ELFN1: variants seen among roughly 807,000 people sequenced by gnomAD.
ELFN1 encodes extracellular leucine rich repeat and fibronectin type III domain containing 1, also known as protein ELFN1.
Under a neutral mutation model 7.6 loss-of-function variants are expected in ELFN1, and 6 were observed. The ratio of observed to expected loss-of-function variants is 0.79; its 90% CI spans 0.43 to 1.56. The LOEUF is 1.56. Among genes scored for constraint, ELFN1 ranks in the 40% most tolerant of loss-of-function variants. The pLI, the probability that ELFN1 is intolerant of heterozygous loss-of-function variation, is 0.01. For synonymous variants in ELFN1, 657 were observed against 588.1 expected (o/e 1.12, Z -1.70); for missense variants, 1,169 against 1,232.2 (o/e 0.95, Z 0.77).
intron 3 of ELFN1, among the ~76,000 whole-genome samples, chr7:1,711,393 G>A (rs1445313534): frequency 6.6e-6 from 1 of 152,024 alleles, no homozygotes; most frequent in Non-Finnish European, 1.5e-5. Flanking sequence ...CTCAGCCTAT[G>A]CCCCAAACAT....
chr7:1,724,570 C>T (rs1413112879), intron 3 of ELFN1, among the ~76,000 whole-genome samples: 1 of 152,300 alleles, frequency 6.6e-6, no homozygotes, highest in Non-Finnish European at 1.5e-5. Context: ...AACTGCTGCT[C>T]CCAGGTAGAA....
chr7:1,733,937 A>AC, intron 3 of ELFN1, among the ~76,000 whole-genome samples: 1 of 151,950 alleles, frequency 6.6e-6, no homozygotes, highest in Non-Finnish European at 1.5e-5. Context: ...CTAGGCTGTG[A>AC]CCCCCGGTCA....
rs1182649885 is a variant in ELFN1, at chr7:1,740,100, G to C, written c.-293-4204G>C. On this transcript the variant is annotated intron_variant, in intron 3 of 3. Transcript: ENST00000424383. This position sits in a 1 kb window ranked among gnomAD's most constrained non-coding sequence, Gnocchi z 5.0. ...GCATCCAAGAAAGTGGTGTGGGCAG[G>C]ATGGCATTGCAGAGGGCTGGAGGTA... Among the ~76,000 whole-genome samples the C allele has an allele frequency of 6.6e-6, 1 of 152,198 alleles. No individual in the cohort carries two copies. The highest frequency in any genetic ancestry group is 1.5e-5 in the Non-Finnish European group (1 of 68,028).
intron 2 of ELFN1, among the ~76,000 whole-genome samples, chr7:1,698,460 G>A (rs995686361): frequency 3.3e-5 from 5 of 152,204 alleles, no homozygotes; most frequent in Admixed American, 6.5e-5. Flanking sequence ...CCTGGCCACC[G>A]TTGGCAGCCG....
At chr7:1,741,378 C>A (rs1211978755) in intron 3 of ELFN1, among the ~76,000 whole-genome samples, 1 of 152,226 alleles carries the variant, frequency 6.6e-6, no homozygotes, top group African/African-American at 2.4e-5. Flanking sequence ...GGCTGCTGCT[C>A]ACCTGTACTC....
Position 1,745,580 on chromosome 7 carries a change from G to A in ELFN1, c.984G>A (p.Ser328=), listed in dbSNP as rs538682861. 21 of 1,550,628 alleles carry A rather than the reference G, an allele frequency of 1.4e-5. No individual in the cohort carries two copies. Among genetic ancestry groups the A allele is most frequent in the East Asian group, 2.4e-5 (1 of 40,918 alleles). Residue 328 remains serine (S), a synonymous_variant, in exon 4 of 4, where the codon TCG becomes TCA. Transcript: ENST00000424383. ...AGGTCAAGCAGCTCACTCAGAACTC[G>A]GCCACCATCACCGTCCAGCTGCCCA... The part of the protein sequence containing the change: ...LIKVKQLTQN[S]ATITVQLPSP...
intron 3 of ELFN1, among the ~76,000 whole-genome samples, chr7:1,725,107 G>C (rs1297309174): frequency 6.6e-6 from 1 of 152,242 alleles, no homozygotes; most frequent in Admixed American, 6.5e-5. Flanking sequence ...GATCAAAAAG[G>C]GGTCTCCCAG....
At chr7:1,675,645 G>T (rs181883542) in intron 1 of ELFN1, among the ~76,000 whole-genome samples, 1 of 152,340 alleles carries the variant, frequency 6.6e-6, no homozygotes, top group East Asian at 1.9e-4. Flanking sequence ...GTCTGGAAAT[G>T]GGGGGGCCGT....
chr7:1,677,476 G>A (rs1017028489), intron 1 of ELFN1, among the ~76,000 whole-genome samples: 5 of 152,332 alleles, frequency 3.3e-5, no homozygotes, highest in African/African-American at 9.6e-5. Flanking sequence ...ACGTGTGTGC[G>A]TGTAGATTAC....
chr7:1,669,993 G>A (rs1424185611), upstream of ELFN1, among the ~76,000 whole-genome samples: 3 of 150,938 alleles, frequency 2.0e-5, no homozygotes, highest in African/African-American at 7.3e-5. Context: ...GTCGCCGGGA[G>A]AGGGAAGGAG....
chr7:1,697,810 G>A (rs1174877064), intron 2 of ELFN1, among the ~76,000 whole-genome samples: 1 of 152,054 alleles, frequency 6.6e-6, no homozygotes. Flanking sequence ...TGAGAGACAG[G>A]GTCTCTCTCT....
chr7:1,728,343 A>G (rs1422489947), intron 3 of ELFN1, among the ~76,000 whole-genome samples: 3 of 152,172 alleles, frequency 2.0e-5, no homozygotes, highest in African/African-American at 7.2e-5. Context: ...TTTCAGACCA[A>G]CCGCATTCTG....
Position 1,684,004 on chromosome 7 carries a change from G to T in ELFN1, c.-548-4054G>T, listed in dbSNP as rs549224525. ...TCTCTACAAAAAAATTTTTAAATTA[G>T]CTGGGCATGGTTGTGCACACCTGTA... On this transcript the variant is annotated intron_variant, in intron 1 of 3. Transcript: ENST00000424383. Among the ~76,000 whole-genome samples, 9 of 152,174 alleles carry T rather than the reference G, an allele frequency of 5.9e-5. No individual in the cohort carries two copies. In the East Asian group the frequency reaches 1.5e-3, roughly 26 times the overall value.
upstream of ELFN1, among the ~76,000 whole-genome samples, chr7:1,667,312 CAACCCACGGCGA>C (rs1212808919): frequency 6.6e-6 from 1 of 152,244 alleles, no homozygotes; most frequent in Non-Finnish European, 1.5e-5. This position sits in a 1 kb window ranked among gnomAD's most constrained non-coding sequence, Gnocchi z 8.2. Context: ...CCCTTCCTCC[CAACCCACGGCGA>C]GCGCAACACA....
rs5881906 is a variant in ELFN1 at position 1,747,883 on chromosome 7, TA to T, written c.*817del. 0.59 allele frequency: 84,806 copies of T among 143,510 alleles called. 23,728 individuals carry two copies. The highest frequency in any genetic ancestry group is 0.67 in the Admixed American group (9,033 of 13,526). The allele number at this position is 143,510 out of a possible 1,614,324, so 8.9% of individuals were successfully genotyped here. On this transcript the variant is annotated 3_prime_UTR_variant, in exon 4 of 4. Transcript: ENST00000424383. Reference sequence around the variant, plus strand: ...AGAAAGAAAAAAAGACTATGTCTACTAAAAAAAAAAAAAAAAAGACTATGTC... The same window carrying T: ...AGAAAGAAAAAAAGACTATGTCTACTAAAAAAAAAAAAAAAAGACTATGTC...
rs367957359 is a variant in ELFN1 at position 1,708,255 on chromosome 7, G to A, written c.-455-836G>A. Among the ~76,000 whole-genome samples, 7 of 152,242 alleles carry A rather than the reference G, an allele frequency of 4.6e-5. No individual in the cohort carries two copies. The East Asian group carries it at 9.6e-4, about 21-fold the overall frequency. On this transcript the variant is annotated intron_variant, in intron 2 of 3. Coordinates refer to ENST00000424383, the MANE Select transcript of ELFN1 (RefSeq NM_001128636.4). The stretch of plus-strand genomic sequence containing the variant: ...CCTATCTGCAAAATGGGGATCAGGT[G>A]CCACCTCGTGGTGAAGGAAGCAAGT...
intron 2 of ELFN1, chr7:1,692,224 C>A (rs1334772226): frequency 6.6e-6 from 1 of 152,252 alleles, no homozygotes; most frequent in African/African-American, 2.4e-5. Flanking sequence ...GAAGCAGAAG[C>A]TGGTTATAAA....
rs1010734913 is a variant in ELFN1 at position 1,716,686 on chromosome 7, ACT to A, written c.-294+7436_-294+7437del. On this transcript the variant is annotated intron_variant, in intron 3 of 3. Transcript: ENST00000424383. ...TCATAGCTGTCCCCTCCCCCTGCAA[ACT>A]CAGCCCCAGTGACTCACAGCCAGGA... Among the ~76,000 whole-genome samples the A allele has an allele frequency of 1.1e-4, 16 of 151,914 alleles. 1 individual carries two copies. The highest frequency in any genetic ancestry group is 3.6e-4 in the African/African-American group (15 of 41,322).
intron 3 of ELFN1, among the ~76,000 whole-genome samples, chr7:1,738,185 C>T (rs1780504341): frequency 6.6e-6 from 1 of 152,232 alleles, no homozygotes; most frequent in Non-Finnish European, 1.5e-5. Context: ...GGCGCGTGGT[C>T]CCATGTCCCA....
Sources: allele counts gnomAD v4.1 joint callset (sites outside exome capture counted in the v4.1 genomes callset), GRCh38; gene constraint gnomAD v4.1.1; non-coding constraint Gnocchi (gnomAD v3.1); transcripts MANE v1.5; gene names NCBI Gene and HGNC (gene_info 2026-07-23, HGNC 2026-07-21).